The following HDAC9 variants were observed in gnomAD, a reference collection of about 807,000 sequenced individuals.
HDAC9 encodes histone deacetylase 9.
A neutral mutation model predicts 139.4 loss-of-function variants in HDAC9; 41 were observed. The observed-to-expected ratio is 0.29, with a 90% CI of 0.23 to 0.38. The LOEUF is 0.38. HDAC9 is among the 10% of genes least tolerant of loss of function. The pLI is 1.00. For synonymous variants in HDAC9, 517 were observed against 476.2 expected, an observed-to-expected ratio of 1.09 and a Z score of -1.12; for missense variants, 1,147 against 1,297.0, an observed-to-expected ratio of 0.88 and a Z score of 1.78.
At chr7:18,566,305 A>G (rs1308696381) in intron 2 of HDAC9, among the ~76,000 whole-genome samples, 1 of 152,230 alleles carries the variant, frequency 6.6e-6, no homozygotes, top group Admixed American at 6.5e-5. Flanking sequence ...AATTAGATAA[A>G]GCTTTCTTCA....
At chr7:18,310,271 G>C (rs1375093249) in intron 1 of HDAC9, among the ~76,000 whole-genome samples, 1 of 152,186 alleles carries the variant, frequency 6.6e-6, no homozygotes, top group Admixed American at 6.5e-5. Context: ...AGAGTTTTAT[G>C]TTGGGCTCTG....
chr7:18,298,760 C>T (rs899188812), intron 1 of HDAC9, among the ~76,000 whole-genome samples: 1 of 152,072 alleles, frequency 6.6e-6, no homozygotes, highest in Non-Finnish European at 1.5e-5. Context: ...AGTCATATAG[C>T]TATAGCTGTG....
At chr7:18,128,215 A>G (rs1784792529) in intron 1 of HDAC9, among the ~76,000 whole-genome samples, 1 of 152,084 alleles carries the variant, frequency 6.6e-6, no homozygotes, top group Non-Finnish European at 1.5e-5. Context: ...CTTGGAAACC[A>G]CTGGGTAAAT....
intron 1 of HDAC9, among the ~76,000 whole-genome samples, chr7:18,321,665 C>T (rs1800040667): frequency 6.6e-6 from 1 of 152,090 alleles, no homozygotes; most frequent in Admixed American, 6.6e-5. Context: ...GTTCAAATTC[C>T]TGTCTGATTT....
At chr7:18,227,595 A>G (rs1033411938) in intron 2 of HDAC9, among the ~76,000 whole-genome samples, 64 of 152,204 alleles carry the variant, frequency 4.2e-4, no homozygotes, top group African/African-American at 1.5e-3. Context: ...AAGAGCCTGG[A>G]ACCATGTCTG....
At chr7:18,701,422 A>C (rs1783477666) in intron 12 of HDAC9, among the ~76,000 whole-genome samples, 1 of 152,066 alleles carries the variant, frequency 6.6e-6, no homozygotes, top group South Asian at 2.1e-4. Context: ...CAAACAAAAA[A>C]AAAAAACACA....
chr7:18,717,257 C>G (rs1382711976), intron 12 of HDAC9, among the ~76,000 whole-genome samples: 1 of 152,054 alleles, frequency 6.6e-6, no homozygotes, highest in African/African-American at 2.4e-5. Flanking sequence ...GTTAATCCAG[C>G]TTCCCTGAAC....
At chr7:18,119,178 G>T (rs1244611278) in intron 1 of HDAC9, among the ~76,000 whole-genome samples, 1 of 152,080 alleles carries the variant, frequency 6.6e-6, no homozygotes, top group Non-Finnish European at 1.5e-5. Flanking sequence ...TAAATGGTAG[G>T]TTACTATAAC....
intron 1 of HDAC9, among the ~76,000 whole-genome samples, chr7:18,091,846 C>G (rs1782172548): frequency 6.6e-6 from 1 of 152,220 alleles, no homozygotes; most frequent in Non-Finnish European, 1.5e-5. Context: ...GGCTGTCATT[C>G]AGAGGCTGCC....
At chr7:18,745,672 G>A (rs545875303) in intron 13 of HDAC9, among the ~76,000 whole-genome samples, 16 of 147,760 alleles carry the variant, frequency 1.1e-4, no homozygotes, top group Admixed American at 2.0e-4. Flanking sequence ...TCAGCCTCCC[G>A]AGTAGCTGGG....
At chr7:18,598,929 C>T (rs576075057) in intron 6 of HDAC9, among the ~76,000 whole-genome samples, 4 of 152,182 alleles carry the variant, frequency 2.6e-5, no homozygotes, top group African/African-American at 7.2e-5. Flanking sequence ...ATAGTCCTAG[C>T]GACTCAGGAG....
chr7:18,374,986 T>G (rs976070046), intron 1 of HDAC9, among the ~76,000 whole-genome samples: 28 of 152,124 alleles, frequency 1.8e-4, no homozygotes, highest in African/African-American at 6.8e-4. Flanking sequence ...GCCTAGCACA[T>G]ATAGTTATGT....
chr7:18,398,446 C>T (rs573194668), intron 1 of HDAC9, among the ~76,000 whole-genome samples: 3 of 152,168 alleles, frequency 2.0e-5, no homozygotes, highest in African/African-American at 4.8e-5. Flanking sequence ...AAAGCACTGC[C>T]TTAGAGTTGA....
chr7:18,958,641 A>G (rs563170230), intron 24 of HDAC9, among the ~76,000 whole-genome samples: 18 of 152,292 alleles, frequency 1.2e-4, no homozygotes, highest in Admixed American at 9.8e-4. Flanking sequence ...TCTTTTGCAC[A>G]GTCTCTGGCA....
At chr7:18,248,300 T>C (rs1302949311) in intron 2 of HDAC9, among the ~76,000 whole-genome samples, 2 of 152,338 alleles carry the variant, frequency 1.3e-5, no homozygotes, top group East Asian at 3.9e-4. Flanking sequence ...ACATTTCTTA[T>C]ATGCTCAATT....
chr7:18,683,285 GA>G (rs151028326), intron 12 of HDAC9, among the ~76,000 whole-genome samples: 1 of 151,596 alleles, frequency 6.6e-6, no homozygotes, highest in Admixed American at 6.6e-5. Flanking sequence ...AATTCTAAAT[GA>G]AAAAAATAAA....
intron 17 of HDAC9, among the ~76,000 whole-genome samples, chr7:18,812,940 A>T (rs1794292323): frequency 6.6e-6 from 1 of 151,994 alleles, no homozygotes. Flanking sequence ...ATATCATCCA[A>T]AAAACTTTTC....
chr7:18,666,798 A>G lies in HDAC9; in HGVS notation c.1731+322A>G, dbSNP rs981766444. 9 of 1,109,566 alleles carry G rather than the reference A, an allele frequency of 8.1e-6. No homozygotes were observed. In the East Asian group the frequency reaches 2.7e-4, roughly 33 times the overall value. 68.7% of individuals were successfully genotyped at this position (1,109,566 alleles called of 1,614,324 possible). On this transcript the variant is annotated intron_variant, in intron 12 of 25. Coordinates refer to ENST00000686413, the MANE Select transcript of HDAC9 (RefSeq NM_178425.4). ...ATTTATCCCAAAGCCTGCTACACCAATTACTTCTAAAGAAAACAAATTCAC... is the reference window on the plus strand; with the variant it reads ...ATTTATCCCAAAGCCTGCTACACCAGTTACTTCTAAAGAAAACAAATTCAC...
intron 17 of HDAC9, among the ~76,000 whole-genome samples, chr7:18,803,064 A>G (rs1253000112): frequency 2.0e-5 from 3 of 150,554 alleles, no homozygotes; most frequent in Admixed American, 6.6e-5. Context: ...CCTTACTTTC[A>G]CCCGCCCCTT....
Sources: gnomAD v4.1 joint callset for allele counts (sites outside exome capture counted in the v4.1 genomes callset) on GRCh38, gnomAD v4.1.1 for gene constraint, MANE v1.5 for transcripts, NCBI Gene and HGNC (gene_info 2026-07-23, HGNC 2026-07-21) for gene names.